The following ASIC2 variants were observed in gnomAD, a reference collection of about 807,000 sequenced individuals.
The protein encoded by ASIC2 is acid sensing ion channel subunit 2, also known as acid-sensing ion channel 2.
A neutral mutation model predicts 57.3 loss-of-function variants in ASIC2; 25 were observed. The observed-to-expected ratio is 0.44, with a 90% CI of 0.32 to 0.61. The LOEUF (loss-of-function observed/expected upper bound fraction) is 0.61. Among genes scored for constraint, ASIC2 ranks in the 20% least tolerant of loss-of-function variants. The pLI is 0.06. For synonymous variants in ASIC2, 319 were observed against 307.5 expected, an observed-to-expected ratio of 1.04 and a Z score of -0.39; for missense variants, 641 against 738.1, an observed-to-expected ratio of 0.87 and a Z score of 1.52.
chr17:33,737,168 A>T (rs570354572), intron 1 of ASIC2, among the ~76,000 whole-genome samples: 11 of 152,344 alleles, frequency 7.2e-5, no homozygotes, highest in Non-Finnish European at 1.5e-4. Context: ...CATTTATTTT[A>T]CCCTTATAAA....
chr17:33,350,467 G>A (rs1908118884), intron 1 of ASIC2, among the ~76,000 whole-genome samples: 1 of 152,080 alleles, frequency 6.6e-6, no homozygotes, highest in South Asian at 2.1e-4. Context: ...ATCATCCGAG[G>A]TCAGGAGTTT....
At chr17:33,207,175 C>A (rs1907093729) in intron 1 of ASIC2, among the ~76,000 whole-genome samples, 1 of 152,216 alleles carries the variant, frequency 6.6e-6, no homozygotes, top group African/African-American at 2.4e-5. Context: ...TATCCCCGTC[C>A]TTAAGCGATT....
At chr17:33,461,810 G>C (rs775433051) in intron 1 of ASIC2, among the ~76,000 whole-genome samples, 7 of 152,120 alleles carry the variant, frequency 4.6e-5, no homozygotes, top group Non-Finnish European at 1.0e-4. Flanking sequence ...CACATGACTA[G>C]ATATTAAAGG....
chr17:34,150,258 A>G (rs1904466118), intron 1 of ASIC2, among the ~76,000 whole-genome samples: 1 of 152,208 alleles, frequency 6.6e-6, no homozygotes, highest in Admixed American at 6.5e-5. Context: ...GATAGGTGAG[A>G]TATGGATCAA....
At chr17:33,595,649 A>G (rs757863414) in intron 1 of ASIC2, among the ~76,000 whole-genome samples, 10 of 152,230 alleles carry the variant, frequency 6.6e-5, no homozygotes, top group African/African-American at 1.2e-4. Context: ...TTATTTTATG[A>G]CCAAGAGATA....
chr17:33,512,249 C>A (rs1567635520), intron 1 of ASIC2, among the ~76,000 whole-genome samples: 1 of 152,136 alleles, frequency 6.6e-6, no homozygotes, highest in African/African-American at 2.4e-5. Context: ...TTTCAGTGCT[C>A]CTCAAGATTT....
intron 1 of ASIC2, among the ~76,000 whole-genome samples, chr17:33,137,508 C>G (rs2092371261): frequency 2.6e-5 from 4 of 152,198 alleles, no homozygotes. Flanking sequence ...GAGCCAGTTC[C>G]TGCTATGGAT....
upstream of ASIC2, among the ~76,000 whole-genome samples, chr17:33,293,985 G>A (rs1340734341): frequency 6.6e-6 from 1 of 152,054 alleles, no homozygotes; most frequent in Non-Finnish European, 1.5e-5. Flanking sequence ...GAGCAGGGTA[G>A]GCTCAGTGCG....
chr17:33,450,595 A>G (rs1912209547), intron 1 of ASIC2, among the ~76,000 whole-genome samples: 1 of 152,230 alleles, frequency 6.6e-6, no homozygotes, highest in Non-Finnish European at 1.5e-5. Flanking sequence ...AACAATAAAC[A>G]ATATGAGTGT....
At chr17:34,052,049 C>T (rs1054398364) in intron 1 of ASIC2, among the ~76,000 whole-genome samples, 5 of 152,158 alleles carry the variant, frequency 3.3e-5, no homozygotes, top group African/African-American at 1.2e-4. Context: ...GGTTCTCATT[C>T]TTGATTGATT....
chr17:33,754,248 T>C (rs1910520688), intron 1 of ASIC2, among the ~76,000 whole-genome samples: 1 of 152,080 alleles, frequency 6.6e-6, no homozygotes, highest in Non-Finnish European at 1.5e-5. Context: ...TCCTAAAACA[T>C]CAGGGATGAT....
At chr17:33,179,361 G>C (rs1244957156) in intron 1 of ASIC2, among the ~76,000 whole-genome samples, 1 of 152,158 alleles carries the variant, frequency 6.6e-6, no homozygotes, top group Admixed American at 6.5e-5. Flanking sequence ...TCCAGAAAAA[G>C]CATGCAGACA....
intron 1 of ASIC2, among the ~76,000 whole-genome samples, chr17:33,589,476 A>G (rs1904757805): frequency 6.6e-6 from 1 of 152,116 alleles, no homozygotes; most frequent in African/African-American, 2.4e-5. Context: ...GAAACCACTC[A>G]TCATCCCAGA....
chr17:33,326,027 T>C (rs1247744416), intron 1 of ASIC2, among the ~76,000 whole-genome samples: 1 of 152,146 alleles, frequency 6.6e-6, no homozygotes, highest in East Asian at 1.9e-4. Context: ...CCTCTGTAGA[T>C]AAGAAAATTG....
intron 1 of ASIC2, among the ~76,000 whole-genome samples, chr17:33,824,398 T>G (rs1402104739): frequency 1.3e-5 from 2 of 151,894 alleles, no homozygotes; most frequent in Non-Finnish European, 2.9e-5. Context: ...ATGTATATAA[T>G]TTTATACTTT....
chr17:33,401,014 T>G (rs1910265961), intron 1 of ASIC2, among the ~76,000 whole-genome samples: 1 of 152,148 alleles, frequency 6.6e-6, no homozygotes. Context: ...AGAGATGCCA[T>G]ATCGTCGTCA....
Position 33,230,887 on chromosome 17 carries a change from T to C in ASIC2, c.708+60521A>G, listed in dbSNP as rs953581201. Among the ~76,000 whole-genome samples the C allele has an allele frequency of 7.2e-5, 11 of 152,164 alleles. 1 individual carries two copies. The highest frequency in any genetic ancestry group is 7.2e-4 in the Admixed American group (11 of 15,286). ...TGATACGCAACGAAAATACGTTCTA[T>C]ATGGTTTCAATATAGGCGTCTTTAA... On this transcript the variant is annotated intron_variant, in intron 1 of 9. Coordinates refer to ENST00000225823, the MANE Select transcript of ASIC2 (RefSeq NM_183377.2).
chr17:33,483,895 C>T (rs1913493926), intron 1 of ASIC2, among the ~76,000 whole-genome samples: 1 of 152,100 alleles, frequency 6.6e-6, no homozygotes, highest in South Asian at 2.1e-4. Context: ...GGAAATTAGC[C>T]TAGGTTATCC....
At chr17:33,138,467 AAC>A (rs2092374390) in intron 1 of ASIC2, among the ~76,000 whole-genome samples, 1 of 152,232 alleles carries the variant, frequency 6.6e-6, no homozygotes, top group African/African-American at 2.4e-5. Flanking sequence ...CATGAATCAG[AAC>A]ACACATCCCT....
Sources: allele counts gnomAD v4.1 joint callset (sites outside exome capture counted in the v4.1 genomes callset), GRCh38; gene constraint gnomAD v4.1.1; transcripts MANE v1.5; gene names NCBI Gene and HGNC (gene_info 2026-07-23, HGNC 2026-07-21).